The following RBM12 variants were observed in gnomAD, a reference collection of about 807,000 sequenced individuals.
RBM12 encodes RNA binding motif protein 12, also known as RNA-binding protein 12.
A neutral mutation model predicts 37.2 loss-of-function variants in RBM12; 24 were observed. The ratio of observed to expected loss-of-function variants is 0.65; its 90% confidence interval spans 0.47 to 0.91. The LOEUF (loss-of-function observed/expected upper bound fraction) is 0.91, where lower values mean the gene tolerates loss of function less well. RBM12 is among the 40% of genes least tolerant of loss of function. RBM12 has a pLI of 0.00. For synonymous variants in RBM12, 420 were observed against 425.2 expected, an observed-to-expected ratio of 0.99 and a Z score of 0.15; for missense variants, 1,061 against 1,183.2, an observed-to-expected ratio of 0.90 and a Z score of 1.52.
rs778628195 is a variant in RBM12 at position 35,654,814 on chromosome 20, G to A, written c.509C>T (p.Thr170Met). 2.5e-6 allele frequency: 4 copies of A among 1,614,238 alleles called. No homozygotes were observed. Among genetic ancestry groups the A allele is most frequent in the Non-Finnish European group, 3.4e-6 (4 of 1,180,038 alleles). ...TGTGCTTGGAACAGTTGAGCTAAAC[G>A]TTGGGCTCCCAAAGGAAGCCCCCAT... ...PNMGASFGSP[T>M]FSSTVPSTAS... The change falls in exon 3 of 3, where the codon ACG (threonine) becomes ATG (methionine). Residue 170 changes from threonine (T) to methionine (M), a missense_variant. Thr to Met is a moderately conservative substitution (Grantham distance 81, BLOSUM62 -1). This residue lies in a region of RBM12 where 540 missense variants were observed against 632.7 expected (regional missense o/e 0.85). Transcript: ENST00000374114.
intron 1 of RBM12, among the ~76,000 whole-genome samples, chr20:35,660,256 G>T (rs933680024): frequency 1.1e-4 from 16 of 151,984 alleles, no homozygotes; most frequent in Non-Finnish European, 1.8e-4. Flanking sequence ...AGGCTAGAGT[G>T]CAGTGGCGCG....
At position 35,652,724 on chromosome 20, in the gene RBM12, C is replaced by G; in HGVS notation, c.2599G>C (p.Val867Leu). 6.2e-7 allele frequency: 1 copy of G among 1,613,966 alleles called. No individual in the cohort carries two copies. Among genetic ancestry groups the G allele is most frequent in the Admixed American group, 1.7e-5 (1 of 59,986 alleles). ...AAATCTAAAATCTCATCAATAGACACAGTAAAGGGCATGTTTTGCACTTTA... is the reference window on the plus strand; with the variant it reads ...AAATCTAAAATCTCATCAATAGACAGAGTAAAGGGCATGTTTTGCACTTTA... ...VIKVQNMPFT[V>L]SIDEILDFFY... The change falls in exon 3 of 3, where the codon GTG (valine) becomes CTG (leucine). Residue 867 changes from valine (V) to leucine (L), a missense_variant. Physicochemically the swap from Val to Leu is conservative, Grantham distance 32 (BLOSUM62 1). Coordinates refer to ENST00000374114, the MANE Select transcript of RBM12 (RefSeq NM_006047.6).
At chr20:35,661,603 TCAACTTGA>T (rs1447433922) in intron 1 of RBM12, among the ~76,000 whole-genome samples, 1 of 152,168 alleles carries the variant, frequency 6.6e-6, no homozygotes, top group African/African-American at 2.4e-5. Context: ...AAGGCTTGCT[TCAACTTGA>T]CAAAATACCG....
At chr20:35,663,563 A>G (rs1195873528) in intron 1 of RBM12, among the ~76,000 whole-genome samples, 1 of 152,158 alleles carries the variant, frequency 6.6e-6, no homozygotes. Context: ...TCTTCAATTT[A>G]TATTAGGTTA....
chr20:35,650,241 TTTAA>T lies in RBM12; in HGVS notation c.*2279_*2282del, dbSNP rs1568929738. ...CTCCAATTTCTACACAAACCGCTCT[TTTAA>T]TTTATTTAATTAGATGAACAATGAA... is the stretch of plus-strand genomic sequence containing the variant. On this transcript the variant is annotated 3_prime_UTR_variant, in exon 3 of 3. Transcript: ENST00000374114. The T allele has an allele frequency of 2.0e-5, 3 of 152,276 alleles. No individual in the cohort carries two copies. Among genetic ancestry groups the T allele is most frequent in the Non-Finnish European group, 4.4e-5 (3 of 67,994 alleles). 9.4% of individuals were successfully genotyped at this position (152,276 alleles called of 1,614,324 possible). A position where few individuals can be genotyped will look rare whatever the true frequency, so the allele number is the denominator to read the frequency against.
intron 1 of RBM12, among the ~76,000 whole-genome samples, chr20:35,663,509 T>C (rs1267061651): frequency 2.0e-5 from 3 of 152,216 alleles, no homozygotes; most frequent in Non-Finnish European, 2.9e-5. Context: ...CAGTGGGTTA[T>C]ACTGACTCTA....
Position 35,653,053 on chromosome 20 carries a change from A to G in RBM12, c.2270T>C (p.Val757Ala). The G allele has an allele frequency of 6.2e-6, 10 of 1,613,954 alleles. No homozygotes were observed. The highest frequency in any genetic ancestry group is 8.5e-6 in the Non-Finnish European group (10 of 1,180,040). Residue 757 changes from valine to alanine, a missense_variant, in exon 3 of 3, where the codon GTT (valine) becomes GCT (alanine). Physicochemically the swap from Val to Ala is moderately conservative, Grantham distance 64. This residue lies in a region of RBM12 where 517 missense variants were observed against 534.0 expected (regional missense o/e 0.97). Coordinates refer to ENST00000374114, the MANE Select transcript of RBM12 (RefSeq NM_006047.6). ...TAGACCAGGCAAACCACTGTTTCCA[A>G]CTGAAGGCATACCAGGCCTAGCATC... is the stretch of plus-strand genomic sequence containing the variant. The part of the protein sequence containing the change: ...FGDARPGMPS[V>A]GNSGLPGLGL...
At chr20:35,661,790 C>T (rs2034243844) in intron 1 of RBM12, among the ~76,000 whole-genome samples, 1 of 152,218 alleles carries the variant, frequency 6.6e-6, no homozygotes, top group Non-Finnish European at 1.5e-5. Flanking sequence ...ACTATTTTCA[C>T]TCTTCATCTG....
rs751382843 is a variant in RBM12, at chr20:35,654,959, T to C, written c.364A>G (p.Thr122Ala). The C allele has an allele frequency of 3.7e-6, 6 of 1,614,034 alleles. No homozygotes were observed. The highest frequency in any genetic ancestry group is 5.1e-6 in the Non-Finnish European group (6 of 1,180,022). ...GMSSRVNLPT[T>A]VSNFNNPSPS... Reference sequence around the variant, plus strand: ...GATGGATTATTAAAGTTGGATACTGTTGTGGGCAAGTTTACCCTGCTACTC... The same window carrying C: ...GATGGATTATTAAAGTTGGATACTGCTGTGGGCAAGTTTACCCTGCTACTC... The change falls in exon 3 of 3, where the codon ACA becomes GCA. Residue 122 changes from threonine (T) to alanine (A), a missense_variant. Around this residue, in one of 3 missense-constraint regions of RBM12, gnomAD observed 540 missense variants for 632.7 expected, o/e 0.85. Transcript: ENST00000374114.
chr20:35,655,194 A>C lies in RBM12; in HGVS notation c.129T>G (p.Ala43=). The change falls in exon 3 of 3, where the codon GCT becomes GCG. Residue 43 remains alanine (A), a synonymous_variant. Transcript: ENST00000374114. ...CTTCATCAGTGGCAAAAACGATGAAAGCCTCACCCAGTTCACCCCCTACAA... is the reference window on the plus strand; with the variant it reads ...CTTCATCAGTGGCAAAAACGATGAACGCCTCACCCAGTTCACCCCCTACAA... ...VHIVGGELGE[A]FIVFATDEDA... is the part of the protein sequence containing the mutation. 1 of 1,614,196 alleles carries C rather than the reference A, an allele frequency of 6.2e-7. No homozygotes were observed. The highest frequency in any genetic ancestry group is 8.5e-7 in the Non-Finnish European group (1 of 1,180,034).
rs1433282427 is a variant in RBM12 at position 35,654,994 on chromosome 20, C to T, written c.329G>A (p.Ser110Asn). The T allele has an allele frequency of 1.9e-6, 3 of 1,614,172 alleles. No individual in the cohort carries two copies. The highest frequency in any genetic ancestry group is 2.5e-6 in the Non-Finnish European group (3 of 1,180,034). Residue 110 changes from serine to asparagine, a missense_variant, in exon 3 of 3, where the codon AGC (serine) becomes AAC (asparagine). Physicochemically the swap from Ser to Asn is conservative, Grantham distance 46. Around this residue, in one of 3 missense-constraint regions of RBM12, gnomAD observed 540 missense variants for 632.7 expected, o/e 0.85. Transcript: ENST00000374114. ...ANASRSGPPP[S>N]SGMSSRVNLP... ...GTTTACCCTGCTACTCATTCCTGAGCTAGGTGGTGGTCCTGATCTACTGGC... is the reference window on the plus strand; with the variant it reads ...GTTTACCCTGCTACTCATTCCTGAGTTAGGTGGTGGTCCTGATCTACTGGC...
Position 35,653,946 on chromosome 20 carries a change from A to G in RBM12, c.1377T>C (p.Ser459=). 6.2e-7 allele frequency: 1 copy of G among 1,614,110 alleles called. No homozygotes were observed. The highest frequency in any genetic ancestry group is 8.5e-7 in the Non-Finnish European group (1 of 1,180,010). ...CATTGGGTCCATAAGCTATATAAATACTATCTTCCACAATATCCAGCTTTT... is the reference window on the plus strand; with the variant it reads ...CATTGGGTCCATAAGCTATATAAATGCTATCTTCCACAATATCCAGCTTTT... ...FFKKLDIVED[S]IYIAYGPNGK... Residue 459 remains serine (S), a synonymous_variant, in exon 3 of 3, where the codon AGT becomes AGC. Coordinates refer to ENST00000374114, the MANE Select transcript of RBM12 (RefSeq NM_006047.6).
At position 35,653,007 on chromosome 20, in the gene RBM12, A is replaced by C; in HGVS notation, c.2316T>G (p.Phe772Leu). ...CACTTAAATTGTTTGGTCCACCTCC[A>C]AAACCCGGAACATCCAGTCCTAGAC... Reference protein sequence around the residue: ...LPGLGLDVPGFGGGPNNLSGP... With the variant: ...LPGLGLDVPGLGGGPNNLSGP... Residue 772 changes from phenylalanine (F) to leucine (L), a missense_variant, in exon 3 of 3, where the codon TTT (phenylalanine) becomes TTG (leucine). Phe to Leu is a conservative substitution (Grantham distance 22). Around this residue, in one of 3 missense-constraint regions of RBM12, gnomAD observed 517 missense variants for 534.0 expected, o/e 0.97. Transcript: ENST00000374114. 6.2e-7 allele frequency: 1 copy of C among 1,613,844 alleles called. No individual in the cohort carries two copies. The highest frequency in any genetic ancestry group is 8.5e-7 in the Non-Finnish European group (1 of 1,180,038).
chr20:35,659,855 T>C (rs2034132299), intron 1 of RBM12, among the ~76,000 whole-genome samples: 2 of 151,950 alleles, frequency 1.3e-5, no homozygotes, highest in Non-Finnish European at 2.9e-5. Flanking sequence ...TTGCTTTTTA[T>C]TTTTTTTCAA....
chr20:35,651,201 C>A lies in RBM12; in HGVS notation c.*1323G>T, dbSNP rs144549619. On this transcript the variant is annotated 3_prime_UTR_variant, in exon 3 of 3. Coordinates refer to ENST00000374114, the MANE Select transcript of RBM12 (RefSeq NM_006047.6). ...TATAATGTGACACATCTTCAGAGCA[C>A]TGACTAGGGAAATCATAATTAGAGC... 9.5e-4 allele frequency: 145 copies of A among 152,306 alleles called. No homozygotes were observed. Among genetic ancestry groups the A allele is most frequent in the African/African-American group, 3.4e-3 (140 of 41,570 alleles). 9.4% of individuals were successfully genotyped at this position (152,306 alleles called of 1,614,324 possible). A position where few individuals can be genotyped will look rare whatever the true frequency, so the allele number is the denominator to read the frequency against.
In RBM12 at chr20:35,650,099, C is replaced by G. The variant is rs1252996763; in HGVS notation, c.*2425G>C. ...TGCCCAGAACAAGATAAACAGTATC[C>G]TTAGCAGTTAGCACTGTTAATAAAT... On this transcript the variant is annotated 3_prime_UTR_variant, in exon 3 of 3. Transcript: ENST00000374114. 6.6e-6 allele frequency: 1 copy of G among 152,536 alleles called. No individual in the cohort carries two copies. The highest frequency in any genetic ancestry group is 1.5e-5 in the Non-Finnish European group (1 of 67,994). The allele number at this position is 152,536 out of a possible 1,614,324, so 9.4% of individuals were successfully genotyped here.
chr20:35,653,322 A>AAGTCCTGCACTGGGC lies in RBM12; in HGVS notation c.1986_2000dup (p.Ser664_Pro668dup). 2 of 1,613,682 alleles carry AAGTCCTGCACTGGGC rather than the reference A, an allele frequency of 1.2e-6. No homozygotes were observed. Among genetic ancestry groups the AAGTCCTGCACTGGGC allele is most frequent in the Non-Finnish European group, 1.7e-6 (2 of 1,179,820 alleles). On this transcript the variant is annotated inframe_insertion, in exon 3 of 3. Coordinates refer to ENST00000374114, the MANE Select transcript of RBM12 (RefSeq NM_006047.6). ...CTGTGCTGGGCAGGCCTGCACCGGG[A>AAGTCCTGCACTGGGC]AGTCCTGCACTGGGCAGTCCCACAC... is the stretch of plus-strand genomic sequence containing the variant.
chr20:35,659,950 C>T (rs1050861259), intron 1 of RBM12, among the ~76,000 whole-genome samples: 14 of 152,146 alleles, frequency 9.2e-5, no homozygotes, highest in African/African-American at 3.4e-4. Context: ...AAATGATGCT[C>T]ATCTTAAATT....
chr20:35,663,142 TTA>T (rs1228562645), intron 1 of RBM12, among the ~76,000 whole-genome samples: 2 of 152,254 alleles, frequency 1.3e-5, no homozygotes, highest in African/African-American at 4.8e-5. Context: ...TCCCAACTTT[TTA>T]TACTCTTTGA....
Sources: gnomAD v4.1 joint callset for allele counts (sites outside exome capture counted in the v4.1 genomes callset) on GRCh38, gnomAD v4.1.1 for gene constraint, gnomAD v4.1.1 regional missense constraint, MANE v1.5 for transcripts, NCBI Gene and HGNC (gene_info 2026-07-23, HGNC 2026-07-21) for gene names.